Variants in HIPK2 observed in about 807,000 individuals in gnomAD.
HIPK2 encodes the protein homeodomain-interacting protein kinase 2.
Under a neutral mutation model 113.7 loss-of-function variants are expected in HIPK2, and 27 were observed. The ratio of observed to expected loss-of-function variants is 0.24; its 90% CI spans 0.17 to 0.33. The LOEUF (loss-of-function observed/expected upper bound fraction) is 0.33, where lower values mean the gene tolerates loss of function less well. HIPK2 is among the 10% of genes least tolerant of loss of function. The pLI, the probability that HIPK2 is intolerant of heterozygous loss-of-function variation, is 1.00. For missense variants in HIPK2, 1,257 were observed against 1,588.0 expected, an observed-to-expected ratio of 0.79 and a Z score of 3.54; for synonymous variants, 631 against 642.2, an observed-to-expected ratio of 0.98 and a Z score of 0.26.
chr7:139,723,823 T>C (rs1460858908), intron 1 of HIPK2, among the ~76,000 whole-genome samples: 1 of 152,214 alleles, frequency 6.6e-6, no homozygotes, highest in Non-Finnish European at 1.5e-5. Context: ...TTTATCGGTA[T>C]GTAATATTTA....
intron 2 of HIPK2, among the ~76,000 whole-genome samples, chr7:139,658,952 C>A (rs749415397): frequency 6.6e-6 from 1 of 152,144 alleles, no homozygotes; most frequent in Non-Finnish European, 1.5e-5. Context: ...GGAGAGGAGT[C>A]GATTCACTAC....
chr7:139,601,887 T>C (rs1389353429), intron 10 of HIPK2, among the ~76,000 whole-genome samples: 1 of 151,718 alleles, frequency 6.6e-6, no homozygotes, highest in African/African-American at 2.4e-5. Flanking sequence ...AACACTTTTG[T>C]AGGGATTTTG....
intron 2 of HIPK2, among the ~76,000 whole-genome samples, chr7:139,710,065 C>T (rs1231977134): frequency 6.6e-6 from 1 of 152,118 alleles, no homozygotes; most frequent in East Asian, 1.9e-4. Flanking sequence ...AACATCCCCA[C>T]AACTTTTTTT....
rs1443207418 is a variant in HIPK2, at chr7:139,570,154, A to T, written c.*2773T>A. On this transcript the variant is annotated 3_prime_UTR_variant, in exon 15 of 15. Transcript: ENST00000406875. ...CAGGAATCTGGGGGTGCTCTCCAGT[A>T]AGGCGAACTGAGGCTCATTTGCAGC... 6.6e-6 allele frequency: 1 copy of T among 152,146 alleles called. No individual in the cohort carries two copies. The highest frequency in any genetic ancestry group is 1.9e-4 in the East Asian group (1 of 5,192). 9.4% of individuals were successfully genotyped at this position (152,146 alleles called of 1,614,324 possible). A position where few individuals can be genotyped will look rare whatever the true frequency, so the allele number is the denominator to read the frequency against.
chr7:139,768,392 G>A (rs1307158935), intron 1 of HIPK2, among the ~76,000 whole-genome samples: 1 of 152,166 alleles, frequency 6.6e-6, no homozygotes, highest in Non-Finnish European at 1.5e-5. Flanking sequence ...CAGGGCTCAA[G>A]TTTTGGTGAT....
In HIPK2 at chr7:139,620,482, A is replaced by G. The variant is rs766476902; in HGVS notation, c.1701T>C (p.Pro567=). 1.2e-6 allele frequency: 2 copies of G among 1,614,090 alleles called. No individual in the cohort carries two copies. The highest frequency in any genetic ancestry group is 1.7e-6 in the Non-Finnish European group (2 of 1,180,026). Residue 567 remains proline (P), a synonymous_variant, in exon 7 of 15, where the codon CCT becomes CCC. Transcript: ENST00000406875. Reference sequence around the variant, plus strand: ...TGCTGGGGGCCACGTGCGTGATGAAAGGGGTTTTGCTCTGGTTCACCGTGT... The same window carrying G: ...TGCTGGGGGCCACGTGCGTGATGAAGGGGGTTTTGCTCTGGTTCACCGTGT... ...MYDTVNQSKT[P]FITHVAPSTS...
At chr7:139,693,092 CAA>C (rs1794457266) in intron 2 of HIPK2, among the ~76,000 whole-genome samples, 1 of 152,178 alleles carries the variant, frequency 6.6e-6, no homozygotes, top group South Asian at 2.1e-4. Flanking sequence ...TGAGAAGATG[CAA>C]AGCTTTTGGA....
chr7:139,591,027 T>C (rs1360487791), intron 12 of HIPK2, among the ~76,000 whole-genome samples: 1 of 152,184 alleles, frequency 6.6e-6, no homozygotes, highest in Non-Finnish European at 1.5e-5. Context: ...AAAAATTTTT[T>C]GTAGAGACAG....
At position 139,715,782 on chromosome 7, in the gene HIPK2, C is replaced by G. The variant is rs532535380; in HGVS notation, c.1103+150G>C. The G allele has an allele frequency of 8.0e-5, 89 of 1,112,276 alleles. No individual in the cohort carries two copies. In the South Asian group the frequency reaches 1.4e-3, roughly 18 times the overall value. 68.9% of individuals were successfully genotyped at this position (1,112,276 alleles called of 1,614,324 possible). A position where few individuals can be genotyped will look rare whatever the true frequency, so the allele number is the denominator to read the frequency against. ...CTTCTAATTGACATCGCAATGTGCACATGTCCTAATTTCGTAAGTACATTA... is the reference window on the plus strand; with the variant it reads ...CTTCTAATTGACATCGCAATGTGCAGATGTCCTAATTTCGTAAGTACATTA... On this transcript the variant is annotated intron_variant, in intron 2 of 14. Coordinates refer to ENST00000406875, the MANE Select transcript of HIPK2 (RefSeq NM_022740.5).
intron 1 of HIPK2, among the ~76,000 whole-genome samples, chr7:139,737,940 C>T (rs918789828): frequency 6.6e-6 from 1 of 152,214 alleles, no homozygotes; most frequent in African/African-American, 2.4e-5. Context: ...GTGACAAAAG[C>T]ATTAAAACAA....
intron 1 of HIPK2, among the ~76,000 whole-genome samples, chr7:139,739,811 A>G (rs1162170104): frequency 1.3e-5 from 2 of 152,168 alleles, no homozygotes; most frequent in Admixed American, 1.3e-4. Context: ...GTATCACACA[A>G]TATGTATATG....
At chr7:139,615,118 T>C (rs1799992068) in intron 7 of HIPK2, among the ~76,000 whole-genome samples, 1 of 152,214 alleles carries the variant, frequency 6.6e-6, no homozygotes, top group Non-Finnish European at 1.5e-5. Flanking sequence ...GGGAGGCTCT[T>C]GCAGGCCCTA....
At chr7:139,694,944 T>C (rs1432201242) in intron 2 of HIPK2, among the ~76,000 whole-genome samples, 2 of 152,218 alleles carry the variant, frequency 1.3e-5, no homozygotes, top group African/African-American at 4.8e-5. Context: ...GTGATATTTA[T>C]CTGCCTCAGA....
chr7:139,765,611 C>T (rs897746742), intron 1 of HIPK2, among the ~76,000 whole-genome samples: 1 of 152,188 alleles, frequency 6.6e-6, no homozygotes, highest in African/African-American at 2.4e-5. Flanking sequence ...TTTGTCAAAC[C>T]TCACATTTTA....
Position 139,628,375 on chromosome 7 carries a change from C to T in HIPK2, c.1434+578G>A, listed in dbSNP as rs1403104046. On this transcript the variant is annotated intron_variant, in intron 5 of 14. Transcript: ENST00000406875. ...TGGGTACTAATGGGCTGGAATTCTT[C>T]TCATGATAACATCAGGCAGATAGGC... Among the ~76,000 whole-genome samples the T allele has an allele frequency of 3.3e-5, 5 of 152,304 alleles. No homozygotes were observed. In the South Asian group the frequency reaches 8.3e-4, roughly 25 times the overall value.
intron 2 of HIPK2, among the ~76,000 whole-genome samples, chr7:139,682,743 T>C (rs1262119933): frequency 6.6e-6 from 1 of 152,234 alleles, no homozygotes; most frequent in Non-Finnish European, 1.5e-5. Context: ...AAAAGCACTG[T>C]GTTAAGGACC....
At chr7:139,720,576 T>C (rs550968106) in intron 1 of HIPK2, among the ~76,000 whole-genome samples, 1 of 152,234 alleles carries the variant, frequency 6.6e-6, no homozygotes, top group Non-Finnish European at 1.5e-5. Context: ...AACATCCCCC[T>C]TATTCTAGAA....
At chr7:139,768,402 T>C (rs781198815) in intron 1 of HIPK2, among the ~76,000 whole-genome samples, 2 of 152,144 alleles carry the variant, frequency 1.3e-5, no homozygotes, top group Non-Finnish European at 2.9e-5. Context: ...GTTTTGGTGA[T>C]GTCAAAGAGA....
chr7:139,613,430 A>G lies in HIPK2; in HGVS notation c.1991-107T>C, dbSNP rs1799909666. 7.4e-7 allele frequency: 1 copy of G among 1,353,834 alleles called. No homozygotes were observed. The highest frequency in any genetic ancestry group is 1.0e-6 in the Non-Finnish European group (1 of 988,872). 83.9% of individuals were successfully genotyped at this position (1,353,834 alleles called of 1,614,324 possible). On this transcript the variant is annotated intron_variant, in intron 8 of 14. Coordinates refer to ENST00000406875, the MANE Select transcript of HIPK2 (RefSeq NM_022740.5). The surrounding 1 kb of genome is among the most constrained non-coding windows in gnomAD (Gnocchi z 4.2). The stretch of plus-strand genomic sequence containing the variant: ...ATGTCAACTTTCTGCTTCCCTTTGC[A>G]CTGGTCACTGACAACAACCAGGTAT...
Sources: gnomAD v4.1 joint callset for allele counts (sites outside exome capture counted in the v4.1 genomes callset) on GRCh38, gnomAD v4.1.1 for gene constraint, Gnocchi (gnomAD v3.1) non-coding constraint, MANE v1.5 for transcripts, NCBI Gene and HGNC (gene_info 2026-07-23, HGNC 2026-07-21) for gene names.